Variants in PRR16 observed in about 807,000 individuals in gnomAD.
PRR16 encodes the protein proline rich 16, also known as protein Largen.
Under a neutral mutation model 18.2 loss-of-function variants are expected in PRR16, and 6 were observed. The observed-to-expected ratio is 0.33, with a 90% CI of 0.18 to 0.65. The LOEUF is 0.65. Among genes scored for constraint, PRR16 ranks in the 30% least tolerant of loss-of-function variants. PRR16 has a pLI of 0.74. For synonymous variants in PRR16, 151 were observed against 147.8 expected, an observed-to-expected ratio of 1.02 and a Z score of -0.16; for missense variants, 412 against 376.6, an observed-to-expected ratio of 1.09 and a Z score of -0.78.
intron 1 of PRR16, among the ~76,000 whole-genome samples, chr5:120,532,077 G>T (rs1751569384): frequency 6.6e-6 from 1 of 152,028 alleles, no homozygotes; most frequent in South Asian, 2.1e-4. Context: ...TATCAACAGA[G>T]AAAATGAAAA....
At chr5:120,701,034 C>T in the PRR16 span, among the ~76,000 whole-genome samples, 3 of 152,120 alleles carry the variant, frequency 2.0e-5, no homozygotes, top group Non-Finnish European at 2.9e-5. Flanking sequence ...GGCCCAGTGG[C>T]CAGATTTCTG....
chr5:120,595,743 G>T (rs899392713), intron 1 of PRR16, among the ~76,000 whole-genome samples: 46 of 151,882 alleles, frequency 3.0e-4, no homozygotes, highest in African/African-American at 1.1e-3. Context: ...TAGAATTTGT[G>T]ATGTTCTTAT....
the PRR16 span, among the ~76,000 whole-genome samples, chr5:120,706,360 T>G: frequency 9.0e-6 from 1 of 111,300 alleles, no homozygotes; most frequent in African/African-American, 3.1e-5. Context: ...TACTTGAAAT[T>G]TATGTTAATA....
chr5:120,760,533 C>T, the PRR16 span, among the ~76,000 whole-genome samples: 1 of 152,114 alleles, frequency 6.6e-6, no homozygotes, highest in Non-Finnish European at 1.5e-5. Flanking sequence ...ATCACCACTA[C>T]ATCTTTAAGG....
chr5:120,515,755 A>G (rs550260460), intron 1 of PRR16, among the ~76,000 whole-genome samples: 142 of 152,222 alleles, frequency 9.3e-4, no homozygotes, highest in Non-Finnish European at 1.8e-3. Context: ...TTGAAGGAGT[A>G]TGTTGTGATA....
At chr5:120,780,168 A>T in the PRR16 span, among the ~76,000 whole-genome samples, 1 of 152,320 alleles carries the variant, frequency 6.6e-6, no homozygotes, top group East Asian at 1.9e-4. Context: ...CTTACTTATG[A>T]GCCCCAGACT....
At chr5:120,509,987 T>A (rs1160607587) in intron 1 of PRR16, among the ~76,000 whole-genome samples, 1 of 152,140 alleles carries the variant, frequency 6.6e-6, no homozygotes, top group Non-Finnish European at 1.5e-5. Context: ...TCTTTACACA[T>A]CCATGTTTGG....
At chr5:120,575,078 G>C (rs1479798422) in intron 1 of PRR16, among the ~76,000 whole-genome samples, 1 of 136,342 alleles carries the variant, frequency 7.3e-6, no homozygotes, top group Non-Finnish European at 1.5e-5. Context: ...ACTTATTATT[G>C]TTAATCTCAG....
chr5:120,663,921 A>C (rs1190421122), intron 1 of PRR16, among the ~76,000 whole-genome samples: 3 of 151,990 alleles, frequency 2.0e-5, no homozygotes, highest in Non-Finnish European at 4.4e-5. Flanking sequence ...ACTGATAATA[A>C]ATATTGAAGT....
At chr5:120,528,319 T>G (rs1409672666) in intron 1 of PRR16, among the ~76,000 whole-genome samples, 1 of 152,004 alleles carries the variant, frequency 6.6e-6, no homozygotes, top group Non-Finnish European at 1.5e-5. Context: ...GAAAGTCAGG[T>G]GAAGTGTGGT....
the PRR16 span, among the ~76,000 whole-genome samples, chr5:120,715,131 C>T: frequency 2.6e-5 from 4 of 152,078 alleles, no homozygotes; most frequent in Non-Finnish European, 4.4e-5. Context: ...GTAGCCATAG[C>T]CAAGGTCATC....
intron 1 of PRR16, among the ~76,000 whole-genome samples, chr5:120,592,986 A>G (rs1363912459): frequency 6.6e-6 from 1 of 152,124 alleles, no homozygotes; most frequent in Non-Finnish European, 1.5e-5. Context: ...TTTGTTACCC[A>G]TACCAGAATC....
the PRR16 span, among the ~76,000 whole-genome samples, chr5:120,791,635 C>CT: frequency 2.4e-4 from 34 of 142,576 alleles, 1 homozygote; most frequent in Non-Finnish European, 4.2e-4. Flanking sequence ...ATCCATCTAT[C>CT]ATCTATCTAT....
At chr5:120,627,264 G>C (rs1004788554) in intron 1 of PRR16, among the ~76,000 whole-genome samples, 1 of 152,082 alleles carries the variant, frequency 6.6e-6, no homozygotes, top group Non-Finnish European at 1.5e-5. Flanking sequence ...CTCAATGCTA[G>C]TCTTATACAA....
intron 1 of PRR16, among the ~76,000 whole-genome samples, chr5:120,516,484 GAC>G (rs149936115): frequency 0.086 from 11,683 of 136,014 alleles, 607 homozygotes; most frequent in African/African-American, 0.16. Context: ...AGGAGGGAAG[GAC>G]ACACACACAC....
the PRR16 span, among the ~76,000 whole-genome samples, chr5:120,763,879 A>T: frequency 6.6e-6 from 1 of 152,020 alleles, no homozygotes; most frequent in Non-Finnish European, 1.5e-5. Context: ...TAATATACAG[A>T]TATGCTACTG....
intron 1 of PRR16, among the ~76,000 whole-genome samples, chr5:120,676,160 T>C (rs1280177530): frequency 9.9e-5 from 15 of 152,186 alleles, no homozygotes. Context: ...CAGAGAAAGC[T>C]TGTTGCTTTG....
chr5:120,754,464 A>C, the PRR16 span, among the ~76,000 whole-genome samples: 2 of 88,766 alleles, frequency 2.3e-5, no homozygotes, highest in South Asian at 6.9e-4. Flanking sequence ...AATATATAGT[A>C]TATAGTATAT....
At chr5:120,680,549 C>T (rs1756938534) in intron 1 of PRR16, among the ~76,000 whole-genome samples, 1 of 152,090 alleles carries the variant, frequency 6.6e-6, no homozygotes, top group Non-Finnish European at 1.5e-5. Context: ...TGGACTTTCC[C>T]TGGCGTTCGA....
Sources: allele counts gnomAD v4.1 joint callset (sites outside exome capture counted in the v4.1 genomes callset), GRCh38; gene constraint gnomAD v4.1.1; transcripts MANE v1.5; gene names NCBI Gene and HGNC (gene_info 2026-07-23, HGNC 2026-07-21).